FLT1: variants seen among roughly 807,000 people sequenced by gnomAD.
FLT1 encodes the protein fms related receptor tyrosine kinase 1.
A neutral mutation model predicts 156.3 loss-of-function variants in FLT1; 49 were observed. The ratio of observed to expected loss-of-function variants is 0.31; its 90% confidence interval spans 0.25 to 0.40. The LOEUF is 0.40. Ranked by LOEUF, FLT1 falls within the 10% of genes least tolerant of loss-of-function variation. The pLI, the probability that FLT1 is intolerant of heterozygous loss-of-function variation, is 1.00. For missense variants in FLT1, 1,322 were observed against 1,637.2 expected, an observed-to-expected ratio of 0.81 and a Z score of 3.32; for synonymous variants, 594 against 583.8, an observed-to-expected ratio of 1.02 and a Z score of -0.25.
chr13:28,454,275 T>C (rs1000470346), intron 3 of FLT1, among the ~76,000 whole-genome samples: 6 of 152,152 alleles, frequency 3.9e-5, no homozygotes, highest in African/African-American at 1.4e-4. Context: ...GTCTGTATTG[T>C]CTCATGTAGT....
chr13:28,434,711 C>T (rs535945447), intron 4 of FLT1, among the ~76,000 whole-genome samples: 4 of 152,234 alleles, frequency 2.6e-5, no homozygotes, highest in South Asian at 4.2e-4. Flanking sequence ...GGTGAAACCC[C>T]GTCTCTACTA....
intron 14 of FLT1, among the ~76,000 whole-genome samples, chr13:28,376,980 C>G (rs1386798054): frequency 6.6e-6 from 1 of 152,120 alleles, no homozygotes; most frequent in African/African-American, 2.4e-5. Flanking sequence ...TCCATGTACC[C>G]CTAGGAATCA....
chr13:28,329,173 C>T (rs954224444), intron 19 of FLT1, among the ~76,000 whole-genome samples: 1 of 152,210 alleles, frequency 6.6e-6, no homozygotes, highest in Admixed American at 6.5e-5. Context: ...GTCCCTACCC[C>T]CTTGGGTAAG....
chr13:28,459,886 A>G (rs1310706397), intron 3 of FLT1, among the ~76,000 whole-genome samples: 1 of 152,158 alleles, frequency 6.6e-6, no homozygotes, highest in Non-Finnish European at 1.5e-5. Context: ...AAGCGTGAAC[A>G]CCTTCTTTCG....
intron 10 of FLT1, among the ~76,000 whole-genome samples, chr13:28,411,140 G>A (rs1593759967): frequency 6.6e-6 from 1 of 152,104 alleles, no homozygotes; most frequent in Non-Finnish European, 1.5e-5. Flanking sequence ...AGGGGCAGAA[G>A]ACTACTTTAT....
chr13:28,362,836 G>A (rs983044470), intron 14 of FLT1, among the ~76,000 whole-genome samples: 5 of 152,120 alleles, frequency 3.3e-5, no homozygotes, highest in African/African-American at 7.2e-5. Flanking sequence ...AAGGAGGAGA[G>A]GAGATGGGGT....
At chr13:28,342,236 T>C (rs1356572796) in intron 16 of FLT1, among the ~76,000 whole-genome samples, 1 of 152,090 alleles carries the variant, frequency 6.6e-6, no homozygotes, top group Non-Finnish European at 1.5e-5. Context: ...CCAGACTACT[T>C]CCCCGCTCTG....
chr13:28,423,256 G>T (rs901135762), intron 10 of FLT1, among the ~76,000 whole-genome samples: 1 of 152,132 alleles, frequency 6.6e-6, no homozygotes, highest in Non-Finnish European at 1.5e-5. Flanking sequence ...AATGGGGCAG[G>T]CCACACGAAC....
chr13:28,325,969 C>G (rs1871663277), intron 20 of FLT1, among the ~76,000 whole-genome samples: 1 of 152,008 alleles, frequency 6.6e-6, no homozygotes, highest in South Asian at 2.1e-4. Context: ...GGCCAGCTGT[C>G]CAGTGGTTCT....
intron 10 of FLT1, among the ~76,000 whole-genome samples, chr13:28,424,876 C>T (rs759891778): frequency 6.6e-6 from 1 of 152,106 alleles, no homozygotes; most frequent in Non-Finnish European, 1.5e-5. Context: ...TACTAAAATT[C>T]CTGTCTACAA....
chr13:28,318,900 T>C (rs1450224897), intron 24 of FLT1, among the ~76,000 whole-genome samples: 1 of 152,126 alleles, frequency 6.6e-6, no homozygotes, highest in Non-Finnish European at 1.5e-5. Flanking sequence ...ACCAGTGTTG[T>C]TTATTGCTTA....
chr13:28,339,016 T>C (rs540194037), intron 17 of FLT1, 152 bp downstream of exon 17: 90 of 668,760 alleles, frequency 1.3e-4, no homozygotes, highest in African/African-American at 1.3e-3. Flanking sequence ...ATTGGAATTA[T>C]TTACTTTTGT....
intron 15 of FLT1, among the ~76,000 whole-genome samples, chr13:28,354,123 G>T (rs1260571370): frequency 6.6e-6 from 1 of 152,174 alleles, no homozygotes; most frequent in Non-Finnish European, 1.5e-5. Context: ...ATAGCTACCA[G>T]GGTGGTAAGA....
chr13:28,440,700 T>C (rs1878289740), intron 3 of FLT1, among the ~76,000 whole-genome samples: 1 of 152,142 alleles, frequency 6.6e-6, no homozygotes, highest in African/African-American at 2.4e-5. Flanking sequence ...CCTGTGTAAC[T>C]GTGAGACCTT....
chr13:28,434,862 G>A (rs540558748), intron 4 of FLT1, among the ~76,000 whole-genome samples: 3 of 152,194 alleles, frequency 2.0e-5, no homozygotes, highest in African/African-American at 7.2e-5. Flanking sequence ...CAGCCTGGGT[G>A]ATAGAACGAG....
intron 1 of FLT1, among the ~76,000 whole-genome samples, chr13:28,468,595 T>C (rs111736570): frequency 0.14 from 20,587 of 152,124 alleles, 2,415 homozygotes; most frequent in African/African-American, 0.32. Context: ...ATGTTGGAGG[T>C]GGGGCCTGAT....
chr13:28,332,919 A>C (rs1416712762), intron 18 of FLT1, among the ~76,000 whole-genome samples: 1 of 152,146 alleles, frequency 6.6e-6, no homozygotes, highest in Admixed American at 6.5e-5. Flanking sequence ...GCATGCCTCT[A>C]TTTTGACAGA....
chr13:28,358,740 A>G (rs1873000606), intron 14 of FLT1, among the ~76,000 whole-genome samples: 1 of 152,222 alleles, frequency 6.6e-6, no homozygotes, highest in African/African-American at 2.4e-5. Flanking sequence ...ACACATGCTC[A>G]ACACATACAC....
At chr13:28,441,467 T>A (rs1878330590) in intron 3 of FLT1, among the ~76,000 whole-genome samples, 1 of 152,210 alleles carries the variant, frequency 6.6e-6, no homozygotes. Context: ...ACTAATGCCC[T>A]TGGCTGAATT....
Sources: gnomAD v4.1 joint callset for allele counts (sites outside exome capture counted in the v4.1 genomes callset) on GRCh38, gnomAD v4.1.1 for gene constraint, MANE v1.5 for transcripts, NCBI Gene and HGNC (gene_info 2026-07-23, HGNC 2026-07-21) for gene names.